Variants in KCNIP4 observed in about 807,000 individuals in gnomAD.
KCNIP4 encodes potassium voltage-gated channel interacting protein 4, also known as Kv channel-interacting protein 4.
In KCNIP4, 12 loss-of-function variants were observed where a neutral mutation model predicts 34.0. The ratio of observed to expected loss-of-function variants is 0.35; its 90% CI spans 0.23 to 0.57. The LOEUF is 0.57. Among genes scored for constraint, KCNIP4 ranks in the 20% least tolerant of loss-of-function variants. KCNIP4 has a pLI of 0.83. For synonymous variants in KCNIP4, 124 were observed against 102.2 expected (o/e 1.21, Z -1.29); for missense variants, 238 against 311.7 (o/e 0.76, Z 1.78).
At chr4:20,781,324 G>A (rs1756851889) in intron 3 of KCNIP4, among the ~76,000 whole-genome samples, 1 of 152,138 alleles carries the variant, frequency 6.6e-6, no homozygotes, top group Non-Finnish European at 1.5e-5. Flanking sequence ...CTGTAAGCCA[G>A]GTACAAATAA....
At chr4:21,262,896 C>T (rs935931741) in intron 1 of KCNIP4, among the ~76,000 whole-genome samples, 6 of 152,176 alleles carry the variant, frequency 3.9e-5, no homozygotes, top group Non-Finnish European at 7.4e-5. Context: ...GGACTGTATC[C>T]TTTTAAAACT....
chr4:21,126,617 C>CAAGAAAAAAAA (rs1750632023), intron 1 of KCNIP4, among the ~76,000 whole-genome samples: 1 of 82,066 alleles, frequency 1.2e-5, no homozygotes, highest in Non-Finnish European at 2.5e-5. Context: ...AGAGAAATAG[C>CAAGAAAAAAAA]AAAAAAAAAA....
chr4:20,985,945 A>G (rs1415237265), intron 1 of KCNIP4, among the ~76,000 whole-genome samples: 1 of 152,180 alleles, frequency 6.6e-6, no homozygotes, highest in Non-Finnish European at 1.5e-5. Context: ...ATGACCTTGA[A>G]GAATACACTC....
intron 1 of KCNIP4, among the ~76,000 whole-genome samples, chr4:21,776,035 C>T (rs185432304): frequency 1.3e-5 from 2 of 152,308 alleles, no homozygotes; most frequent in African/African-American, 4.8e-5. Flanking sequence ...AAGAATCTAA[C>T]CATTCTAGGG....
chr4:21,892,685 A>G (rs1376933517), intron 1 of KCNIP4, among the ~76,000 whole-genome samples: 3 of 152,152 alleles, frequency 2.0e-5, no homozygotes, highest in Admixed American at 1.3e-4. Flanking sequence ...AATAGATGCC[A>G]ATCAAAACCG....
chr4:21,410,228 A>C (rs1218411403), intron 1 of KCNIP4, among the ~76,000 whole-genome samples: 2 of 152,150 alleles, frequency 1.3e-5, no homozygotes, highest in African/African-American at 4.8e-5. Context: ...TATAAAGCAT[A>C]TTACTAGAAA....
intron 1 of KCNIP4, among the ~76,000 whole-genome samples, chr4:21,611,928 A>C (rs2109148601): frequency 6.6e-6 from 1 of 152,340 alleles, no homozygotes; most frequent in Admixed American, 6.5e-5. Context: ...CATTCTCAGT[A>C]AGATAAACTT....
intron 1 of KCNIP4, among the ~76,000 whole-genome samples, chr4:21,907,375 T>C (rs1179243624): frequency 6.6e-6 from 1 of 152,166 alleles, no homozygotes; most frequent in African/African-American, 2.4e-5. Context: ...TACGAAAGCC[T>C]TCACCAGAAG....
intron 1 of KCNIP4, among the ~76,000 whole-genome samples, chr4:21,860,652 T>C (rs1725019279): frequency 8.6e-6 from 1 of 116,210 alleles, no homozygotes; most frequent in Non-Finnish European, 1.9e-5. Context: ...TAGACTCAGA[T>C]TTCTACTGAT....
At chr4:21,476,651 T>A (rs1731007642) in intron 1 of KCNIP4, among the ~76,000 whole-genome samples, 1 of 152,150 alleles carries the variant, frequency 6.6e-6, no homozygotes, top group Admixed American at 6.5e-5. Flanking sequence ...AAATCCCTAT[T>A]TTAAATATTA....
chr4:21,562,097 T>C (rs1739523864), intron 1 of KCNIP4, among the ~76,000 whole-genome samples: 1 of 151,986 alleles, frequency 6.6e-6, no homozygotes. Context: ...TTTCTCTTCC[T>C]TTCTGTCTCT....
chr4:21,854,315 C>T (rs1292341124), intron 1 of KCNIP4, among the ~76,000 whole-genome samples: 1 of 152,196 alleles, frequency 6.6e-6, no homozygotes, highest in African/African-American at 2.4e-5. Flanking sequence ...TTTAAACCTA[C>T]AAGATGAGAT....
intron 1 of KCNIP4, among the ~76,000 whole-genome samples, chr4:21,230,466 G>A (rs373128634): frequency 7.7e-4 from 117 of 152,208 alleles, no homozygotes; most frequent in African/African-American, 2.6e-3. Context: ...TAAGTCCCGC[G>A]TGCATTAGCT....
chr4:21,259,140 T>C (rs553918237), intron 1 of KCNIP4, among the ~76,000 whole-genome samples: 1 of 152,254 alleles, frequency 6.6e-6, no homozygotes, highest in African/African-American at 2.4e-5. Context: ...ACTGTCAGAC[T>C]CCAAAACCCA....
intron 1 of KCNIP4, among the ~76,000 whole-genome samples, chr4:21,725,415 T>C (rs4101631): frequency 0.63 from 96,038 of 151,944 alleles, 32,190 homozygotes; most frequent in African/African-American, 0.83. Context: ...GGAAACCCAT[T>C]GGTTACAAAG....
intron 1 of KCNIP4, among the ~76,000 whole-genome samples, chr4:21,923,897 C>A (rs931489015): frequency 6.6e-6 from 1 of 152,158 alleles, no homozygotes; most frequent in African/African-American, 2.4e-5. Context: ...CCATAAAAAA[C>A]AGTGGTGTCA....
chr4:20,963,342 A>AC (rs1734035804), intron 1 of KCNIP4, among the ~76,000 whole-genome samples: 2 of 151,956 alleles, frequency 1.3e-5, no homozygotes, highest in Non-Finnish European at 2.9e-5. Context: ...ACAAAAAAAA[A>AC]AACAACAAAA....
chr4:21,692,827 ATTTTTTTTT>A (rs35231092), intron 1 of KCNIP4, among the ~76,000 whole-genome samples: 2 of 87,250 alleles, frequency 2.3e-5, no homozygotes, highest in Non-Finnish European at 4.4e-5. Flanking sequence ...AAATCCTGTC[ATTTTTTTTT>A]TTTTTTTTTT....
At chr4:21,065,735 T>G (rs1312199322) in intron 1 of KCNIP4, among the ~76,000 whole-genome samples, 3 of 105,268 alleles carry the variant, frequency 2.8e-5, no homozygotes, top group African/African-American at 1.0e-4. Context: ...TCTATATATA[T>G]ATATATATAT....
Sources: allele counts gnomAD v4.1 joint callset (sites outside exome capture counted in the v4.1 genomes callset), GRCh38; gene constraint gnomAD v4.1.1; transcripts MANE v1.5; gene names NCBI Gene and HGNC (gene_info 2026-07-23, HGNC 2026-07-21).